The following HERC1 variants were observed in gnomAD, a reference collection of about 807,000 sequenced individuals.
HERC1 encodes the protein probable E3 ubiquitin-protein ligase HERC1.
HERC1 carries 160 observed loss-of-function variants against 554.3 expected under a neutral mutation model. The observed-to-expected ratio is 0.29, with a 90% CI of 0.25 to 0.33. HERC1 has a LOEUF of 0.33. Ranked by LOEUF, HERC1 falls within the 10% of genes least tolerant of loss-of-function variation. The pLI, the probability that HERC1 is intolerant of heterozygous loss-of-function variation, is 1.00. For missense variants in HERC1, 4,919 were observed against 5,918.5 expected, an observed-to-expected ratio of 0.83 and a Z score of 5.54; for synonymous variants, 2,175 against 2,131.7, an observed-to-expected ratio of 1.02 and a Z score of -0.56.
At chr15:63,783,453 T>C (rs2076346170) in intron 1 of HERC1, among the ~76,000 whole-genome samples, 1 of 152,238 alleles carries the variant, frequency 6.6e-6, no homozygotes, top group Non-Finnish European at 1.5e-5. Flanking sequence ...ATTGCTTTTC[T>C]AGACATAATG....
chr15:63,771,272 A>G, intron 2 of HERC1, among the ~76,000 whole-genome samples: 1 of 152,128 alleles, frequency 6.6e-6, no homozygotes, highest in East Asian at 1.9e-4. Flanking sequence ...AGAAGAAATA[A>G]CAAATATATA....
chr15:63,658,749 C>T, intron 47 of HERC1, 31 bp from the exon 48 acceptor site: 1 of 1,562,402 alleles, frequency 6.4e-7, no homozygotes, highest in Non-Finnish European at 8.7e-7. Context: ...TTGTTCTCAA[C>T]AAGGTAAGAA....
chr15:63,633,929 A>G lies in HERC1; in HGVS notation c.12612T>C (p.Asp4204=). The stretch of plus-strand genomic sequence containing the variant: ...CTCCAAAAGCCCACACCATGGAACC[A>G]TCTGCTGACACTGCCAAAGTGTGGT... ...GLNHTLAVSA[D]GSMVWAFGDG... The change falls in exon 67 of 78, where the codon GAT becomes GAC. Residue 4204 remains aspartate (D), a synonymous_variant. Coordinates refer to ENST00000443617, the MANE Select transcript of HERC1 (RefSeq NM_003922.4). 6.2e-7 allele frequency: 1 copy of G among 1,613,930 alleles called. No homozygotes were observed.
intron 44 of HERC1, 113 bp downstream of exon 44, chr15:63,662,871 G>T: frequency 1.4e-6 from 1 of 731,876 alleles, no homozygotes; most frequent in Non-Finnish European, 2.3e-6. Context: ...CTCAGGATGA[G>T]ATAAAAGACT....
chr15:63,728,037 A>G (rs2074108366), intron 16 of HERC1, among the ~76,000 whole-genome samples, 199 bp from the exon 17 acceptor site: 1 of 152,230 alleles, frequency 6.6e-6, no homozygotes, highest in African/African-American at 2.4e-5. Flanking sequence ...TTTATAGGAA[A>G]GCATATGTAT....
At chr15:63,784,141 C>T (rs1349397519) in intron 1 of HERC1, among the ~76,000 whole-genome samples, 1 of 151,814 alleles carries the variant, frequency 6.6e-6, no homozygotes, top group Non-Finnish European at 1.5e-5. Flanking sequence ...CATGGATGTC[C>T]TGAAGTCATC....
At chr15:63,716,687 CT>C (rs1161347316) in intron 21 of HERC1, among the ~76,000 whole-genome samples, 11 of 152,026 alleles carry the variant, frequency 7.2e-5, no homozygotes, top group African/African-American at 2.4e-4. Flanking sequence ...CTCTTCCTTC[CT>C]CATTATTTTG....
chr15:63,747,176 T>C (rs1044074843), intron 11 of HERC1, 93 bp from the exon 12 acceptor site: 14 of 1,221,804 alleles, frequency 1.1e-5, no homozygotes, highest in East Asian at 1.0e-4. Context: ...AAAAATTTTG[T>C]TGGCTAGGTG....
chr15:63,635,221 C>A (rs1333040524), intron 65 of HERC1, among the ~76,000 whole-genome samples: 2 of 151,980 alleles, frequency 1.3e-5, no homozygotes, highest in Admixed American at 6.6e-5. Flanking sequence ...CTATTTATTT[C>A]TATTTTTTGT....
intron 47 of HERC1, among the ~76,000 whole-genome samples, chr15:63,659,395 G>A (rs1007476151): frequency 1.3e-5 from 2 of 151,986 alleles, no homozygotes; most frequent in Non-Finnish European, 2.9e-5. Context: ...GGGACTAAAG[G>A]TGCACACCAC....
intron 36 of HERC1, 82 bp downstream of exon 36, chr15:63,679,995 G>A: frequency 1.1e-6 from 1 of 933,996 alleles, no homozygotes; most frequent in Non-Finnish European, 1.6e-6. Flanking sequence ...AGAAGAAATA[G>A]CTTATTATAT....
At chr15:63,689,476 G>A in intron 33 of HERC1, 113 bp downstream of exon 33, 1 of 602,158 alleles carries the variant, frequency 1.7e-6, no homozygotes, top group Non-Finnish European at 2.9e-6. Context: ...TGCCAAGAGA[G>A]GAAATGGAAT....
At chr15:63,744,164 G>GTCTC (rs71464534) in intron 12 of HERC1, among the ~76,000 whole-genome samples, 125 of 46,248 alleles carry the variant, frequency 2.7e-3, no homozygotes, top group East Asian at 5.4e-3. Flanking sequence ...GTGTGTGTGT[G>GTCTC]TCTCTCTCTC....
At chr15:63,706,281 G>C (rs963238038) in intron 25 of HERC1, among the ~76,000 whole-genome samples, 1 of 150,004 alleles carries the variant, frequency 6.7e-6, no homozygotes, top group Admixed American at 6.6e-5. Context: ...TCATGTAAGA[G>C]ATAAAGCATC....
intron 38 of HERC1, among the ~76,000 whole-genome samples, chr15:63,673,414 G>T (rs985026703): frequency 7.9e-5 from 12 of 151,922 alleles, no homozygotes; most frequent in African/African-American, 2.9e-4. Flanking sequence ...AGAAGAAAAG[G>T]AATAAGTACA....
rs1339418008 is a variant in HERC1 at position 63,749,016 on chromosome 15, T to C, written c.2219+351A>G. Among the ~76,000 whole-genome samples, 1 of 152,098 alleles carries C rather than the reference T, an allele frequency of 6.6e-6. No individual in the cohort carries two copies. The highest frequency in any genetic ancestry group is 1.5e-5 in the Non-Finnish European group (1 of 68,004). On this transcript the variant is annotated intron_variant, in intron 10 of 77. Transcript: ENST00000443617. The surrounding 1 kb of genome is among the most constrained non-coding windows in gnomAD (Gnocchi z 4.1). ...AGATTGAGAGCACTGAGGTTAAACA[T>C]TAAATCAATAAAGCCTAGTTCTGAT... is the stretch of plus-strand genomic sequence containing the variant.
intron 46 of HERC1, 85 bp from the exon 47 acceptor site, chr15:63,660,021 T>C (rs187112125): frequency 4.4e-6 from 5 of 1,129,048 alleles, no homozygotes; most frequent in Admixed American, 4.0e-5. Flanking sequence ...AAAATACATC[T>C]AAAATGCAGA....
At chr15:63,735,465 A>C (rs1733073027) in intron 12 of HERC1, among the ~76,000 whole-genome samples, 1 of 151,892 alleles carries the variant, frequency 6.6e-6, no homozygotes, top group African/African-American at 2.4e-5. Flanking sequence ...TGATAGGTGC[A>C]GCACACCAAC....
At chr15:63,651,918 C>G (rs1352103978) in intron 52 of HERC1, among the ~76,000 whole-genome samples, 1 of 152,076 alleles carries the variant, frequency 6.6e-6, no homozygotes, top group East Asian at 1.9e-4. Context: ...CACCTGTAGT[C>G]CCAGCTTCTT....
Sources: gnomAD v4.1 joint callset for allele counts (sites outside exome capture counted in the v4.1 genomes callset) on GRCh38, gnomAD v4.1.1 for gene constraint, Gnocchi (gnomAD v3.1) non-coding constraint, MANE v1.5 for transcripts, NCBI Gene and HGNC (gene_info 2026-07-23, HGNC 2026-07-21) for gene names.